The following DGKB variants were observed in gnomAD, a reference collection of about 807,000 sequenced individuals.
The protein encoded by DGKB is 90 kDa diacylglycerol kinase.
In DGKB, 67 loss-of-function variants were observed where a neutral mutation model predicts 114.3. The ratio of observed to expected loss-of-function variants is 0.59; its 90% CI spans 0.48 to 0.72. The LOEUF (loss-of-function observed/expected upper bound fraction) is 0.72, where lower values mean the gene tolerates loss of function less well. DGKB is among the 30% of genes least tolerant of loss of function. The pLI, the probability that DGKB is intolerant of heterozygous loss-of-function variation, is 0.00. For synonymous variants in DGKB, 398 were observed against 323.1 expected, an observed-to-expected ratio of 1.23 and a Z score of -2.49; for missense variants, 907 against 975.2, an observed-to-expected ratio of 0.93 and a Z score of 0.93.
chr7:14,279,352 G>C (rs1254726200), intron 23 of DGKB, among the ~76,000 whole-genome samples: 1 of 152,142 alleles, frequency 6.6e-6, no homozygotes, highest in African/African-American at 2.4e-5. Flanking sequence ...CAAAGCAACT[G>C]GGAAGCTCCA....
chr7:14,519,237 G>A (rs1002418211), intron 20 of DGKB, among the ~76,000 whole-genome samples: 4 of 151,750 alleles, frequency 2.6e-5, no homozygotes, highest in South Asian at 2.1e-4. Context: ...TTCCAAATCT[G>A]TTTGCAATCA....
intron 6 of DGKB, among the ~76,000 whole-genome samples, chr7:14,715,041 T>G (rs73680198): frequency 0.013 from 1,913 of 152,296 alleles, 39 homozygotes; most frequent in African/African-American, 0.044. Flanking sequence ...AGAGACTATT[T>G]AATGATCTCA....
intron 21 of DGKB, among the ~76,000 whole-genome samples, chr7:14,377,882 G>C (rs759523150): frequency 2.6e-5 from 4 of 152,168 alleles, no homozygotes; most frequent in Non-Finnish European, 5.9e-5. Context: ...TCCCATCAAA[G>C]ACTCTTTGTG....
intron 21 of DGKB, among the ~76,000 whole-genome samples, chr7:14,438,925 C>CTT (rs34283340): frequency 0.075 from 11,072 of 146,944 alleles, 532 homozygotes; most frequent in East Asian, 0.22. Flanking sequence ...ATTTCTAAGA[C>CTT]TTTTTTTTTT....
At chr7:14,845,106 C>CAAAAAAAAAAAAAAAAAAAAA (rs59367496) in intron 1 of DGKB, among the ~76,000 whole-genome samples, 19 of 89,260 alleles carry the variant, frequency 2.1e-4, no homozygotes, top group Admixed American at 3.7e-4. Flanking sequence ...GGCCCTGTGT[C>CAAAAAAAAAAAAAAAAAAAAA]AAAAAAAAAA....
intron 2 of DGKB, among the ~76,000 whole-genome samples, chr7:14,769,268 AAGAAAGAAAG>A (rs1401624158): frequency 0.022 from 1,725 of 79,000 alleles, 70 homozygotes; most frequent in African/African-American, 0.13. Context: ...GAAAGAAAGA[AAGAAAGAAAG>A]AAAGATTTTG....
intron 13 of DGKB, among the ~76,000 whole-genome samples, chr7:14,666,633 G>A (rs767262461): frequency 2.0e-5 from 3 of 151,846 alleles, no homozygotes; most frequent in South Asian, 2.1e-4. Context: ...CATGAGTCTC[G>A]ATGAGTTGGG....
intron 1 of DGKB, among the ~76,000 whole-genome samples, chr7:14,949,888 T>C (rs150488196): frequency 2.0e-5 from 3 of 151,340 alleles, no homozygotes; most frequent in Non-Finnish European, 2.9e-5. Context: ...CACTCATAGG[T>C]TGGAATTGAA....
intron 23 of DGKB, among the ~76,000 whole-genome samples, chr7:14,294,656 T>C (rs75123708): frequency 8.4e-4 from 128 of 152,316 alleles, no homozygotes; most frequent in African/African-American, 2.9e-3. Flanking sequence ...TAACCAAATA[T>C]AGACTTTAGC....
chr7:14,950,712 G>C (rs773343209), intron 1 of DGKB, among the ~76,000 whole-genome samples: 1 of 151,834 alleles, frequency 6.6e-6, no homozygotes, highest in Non-Finnish European at 1.5e-5. Context: ...CCAAAAAATA[G>C]AAGAGAAATA....
At chr7:14,818,419 T>G (rs988831582) in intron 2 of DGKB, among the ~76,000 whole-genome samples, 2 of 151,874 alleles carry the variant, frequency 1.3e-5, no homozygotes, top group African/African-American at 4.8e-5. Flanking sequence ...ACATAAAGGG[T>G]GAGTGATAAA....
intron 23 of DGKB, among the ~76,000 whole-genome samples, chr7:14,208,478 T>G (rs1262156169): frequency 6.6e-6 from 1 of 152,020 alleles, no homozygotes; most frequent in African/African-American, 2.4e-5. Context: ...CTTCAAACAG[T>G]TTCCCTCCCT....
chr7:14,304,087 ACTCT>A (rs71846844), intron 23 of DGKB, among the ~76,000 whole-genome samples: 66 of 110,122 alleles, frequency 6.0e-4, no homozygotes, highest in African/African-American at 2.3e-3. Context: ...ACACACACAC[ACTCT>A]CTCTCTCTCA....
At chr7:14,468,480 C>G (rs1780802632) in intron 21 of DGKB, among the ~76,000 whole-genome samples, 1 of 151,948 alleles carries the variant, frequency 6.6e-6, no homozygotes, top group South Asian at 2.1e-4. Flanking sequence ...GTTGTCCAAG[C>G]TTATCTGCAG....
chr7:14,787,914 T>G (rs1050384052), intron 2 of DGKB, among the ~76,000 whole-genome samples: 6 of 151,516 alleles, frequency 4.0e-5, no homozygotes, highest in Non-Finnish European at 1.5e-5. Context: ...AGGAGGAAAC[T>G]CCCTCTCACC....
intron 1 of DGKB, among the ~76,000 whole-genome samples, chr7:14,934,941 A>G (rs938880177): frequency 6.6e-6 from 1 of 152,182 alleles, no homozygotes. Context: ...AATTCTACCT[A>G]CAGCCTAATG....
At chr7:14,441,307 C>T (rs1830060230) in intron 21 of DGKB, among the ~76,000 whole-genome samples, 1 of 151,970 alleles carries the variant, frequency 6.6e-6, no homozygotes, top group Non-Finnish European at 1.5e-5. Context: ...ACGCCCGACC[C>T]ATATCTTTTG....
At chr7:14,503,058 T>C (rs1044203370) in intron 20 of DGKB, among the ~76,000 whole-genome samples, 1 of 152,100 alleles carries the variant, frequency 6.6e-6, no homozygotes, top group African/African-American at 2.4e-5. Flanking sequence ...TTTTCTCCCT[T>C]GTGATTTATG....
At chr7:14,208,884 AGTT>A (rs576465035) in intron 23 of DGKB, among the ~76,000 whole-genome samples, 54 of 108,188 alleles carry the variant, frequency 5.0e-4, no homozygotes, top group African/African-American at 3.4e-3. Context: ...GGAAATAGCT[AGTT>A]TTTTTTTTTT....
Sources: allele counts gnomAD v4.1 joint callset (sites outside exome capture counted in the v4.1 genomes callset), GRCh38; gene constraint gnomAD v4.1.1; transcripts MANE v1.5; gene names NCBI Gene and HGNC (gene_info 2026-07-23, HGNC 2026-07-21).